Variants in ZNF385B observed in about 807,000 individuals in gnomAD.
The protein encoded by ZNF385B is zinc finger protein 533.
Under a neutral mutation model 39.2 loss-of-function variants are expected in ZNF385B, and 23 were observed. The ratio of observed to expected loss-of-function variants is 0.59; its 90% CI spans 0.42 to 0.83. The LOEUF (loss-of-function observed/expected upper bound fraction) is 0.83, where lower values mean the gene tolerates loss of function less well. Ranked by LOEUF, ZNF385B falls within the 40% of genes least tolerant of loss-of-function variation. The pLI is 0.00. For synonymous variants in ZNF385B, 205 were observed against 222.6 expected (o/e 0.92, Z 0.70); for missense variants, 552 against 598.9 (o/e 0.92, Z 0.82).
intron 1 of ZNF385B, among the ~76,000 whole-genome samples, chr2:179,778,557 A>C (rs886811998): frequency 6.6e-6 from 1 of 152,214 alleles, no homozygotes; most frequent in African/African-American, 2.4e-5. Context: ...AGTTCTTTGA[A>C]TTCTCATGTC....
intron 3 of ZNF385B, among the ~76,000 whole-genome samples, chr2:179,744,582 T>C (rs1702271330): frequency 6.6e-6 from 1 of 152,126 alleles, no homozygotes; most frequent in Admixed American, 6.5e-5. Context: ...GCTTTACGTG[T>C]ACTGGCAGTA....
chr2:179,522,313 T>C (rs1307446638), intron 4 of ZNF385B, among the ~76,000 whole-genome samples: 4 of 152,220 alleles, frequency 2.6e-5, no homozygotes, highest in Non-Finnish European at 5.9e-5. Context: ...AAAATAACTA[T>C]GATGTTAATT....
intron 3 of ZNF385B, among the ~76,000 whole-genome samples, chr2:179,593,115 C>T (rs747216939): frequency 2.8e-4 from 43 of 152,228 alleles, no homozygotes; most frequent in Non-Finnish European, 4.9e-4. Flanking sequence ...AAATGGATTA[C>T]TTGCTGTCAA....
At chr2:179,518,668 T>G in intron 4 of ZNF385B, 30 bp from the exon 5 acceptor site, 1 of 1,432,978 alleles carries the variant, frequency 7.0e-7, no homozygotes, top group Non-Finnish European at 9.5e-7. Context: ...ATAGTCAATT[T>G]GTAACTTCAA....
At chr2:179,553,250 T>A (rs1395165402) in intron 3 of ZNF385B, among the ~76,000 whole-genome samples, 1 of 149,018 alleles carries the variant, frequency 6.7e-6, no homozygotes, top group Non-Finnish European at 1.5e-5. Context: ...CTTAGTGTAG[T>A]ATCTGATACT....
chr2:179,512,139 G>C (rs1285337550), intron 5 of ZNF385B, among the ~76,000 whole-genome samples: 1 of 151,974 alleles, frequency 6.6e-6, no homozygotes, highest in Non-Finnish European at 1.5e-5. Flanking sequence ...TATAAAACTT[G>C]ACTAAAAAGA....
At chr2:179,684,852 G>A (rs1445908053) in intron 3 of ZNF385B, among the ~76,000 whole-genome samples, 2 of 152,130 alleles carry the variant, frequency 1.3e-5, no homozygotes, top group Non-Finnish European at 2.9e-5. Flanking sequence ...CTGAATGCAA[G>A]TTTACTTTCT....
At chr2:179,487,847 A>T (rs1457094947) in intron 5 of ZNF385B, among the ~76,000 whole-genome samples, 1 of 152,196 alleles carries the variant, frequency 6.6e-6, no homozygotes, top group Non-Finnish European at 1.5e-5. Flanking sequence ...ACCTTCACAT[A>T]AGAATTCATC....
At chr2:179,818,610 C>G (rs1359878121) in intron 1 of ZNF385B, among the ~76,000 whole-genome samples, 1 of 152,126 alleles carries the variant, frequency 6.6e-6, no homozygotes, top group African/African-American at 2.4e-5. Flanking sequence ...AGAAACGTTT[C>G]AGCTTTCAAA....
At chr2:179,815,223 G>A (rs147066356) in intron 1 of ZNF385B, among the ~76,000 whole-genome samples, 220 of 152,314 alleles carry the variant, frequency 1.4e-3, no homozygotes, top group African/African-American at 4.9e-3. Flanking sequence ...GAGACATCAA[G>A]AGAATAGGTA....
At chr2:179,625,364 C>T (rs1690566417) in intron 3 of ZNF385B, among the ~76,000 whole-genome samples, 1 of 151,710 alleles carries the variant, frequency 6.6e-6, no homozygotes, top group Non-Finnish European at 1.5e-5. Context: ...TATTTTTTTC[C>T]TCTAGCCTTA....
At chr2:179,531,905 A>T (rs1368276568) in intron 4 of ZNF385B, among the ~76,000 whole-genome samples, 1 of 152,228 alleles carries the variant, frequency 6.6e-6, no homozygotes, top group Admixed American at 6.5e-5. Flanking sequence ...GCCCTTTTGT[A>T]TAAATAGGTA....
At chr2:179,644,555 T>A (rs1018036464) in intron 3 of ZNF385B, among the ~76,000 whole-genome samples, 1 of 152,232 alleles carries the variant, frequency 6.6e-6, no homozygotes, top group Non-Finnish European at 1.5e-5. Context: ...TTAAGAGAGA[T>A]ATGTATTTCA....
At chr2:179,497,540 C>CA (rs555054066) in intron 5 of ZNF385B, among the ~76,000 whole-genome samples, 1,512 of 135,960 alleles carry the variant, frequency 0.011, 18 homozygotes, top group South Asian at 0.058. Context: ...AAACTCAAAC[C>CA]AAAAAAAAAA....
At chr2:179,516,032 T>C (rs2058064983) in intron 5 of ZNF385B, among the ~76,000 whole-genome samples, 1 of 152,216 alleles carries the variant, frequency 6.6e-6, no homozygotes, top group African/African-American at 2.4e-5. Context: ...ATATAGTCTT[T>C]GTGTCTTACT....
At chr2:179,712,503 C>T (rs1700069501) in intron 3 of ZNF385B, among the ~76,000 whole-genome samples, 1 of 152,168 alleles carries the variant, frequency 6.6e-6, no homozygotes, top group Admixed American at 6.5e-5. Context: ...CTCTCATCTT[C>T]TTCTTCAATA....
chr2:179,537,847 T>C (rs529785679), intron 4 of ZNF385B, among the ~76,000 whole-genome samples: 1 of 152,190 alleles, frequency 6.6e-6, no homozygotes, highest in African/African-American at 2.4e-5. Flanking sequence ...TCTTTGTTAG[T>C]TTTGTACCAC....
At chr2:179,510,784 G>A (rs1047669286) in intron 5 of ZNF385B, among the ~76,000 whole-genome samples, 1 of 152,094 alleles carries the variant, frequency 6.6e-6, no homozygotes, top group Non-Finnish European at 1.5e-5. Flanking sequence ...AGTTGGAGGA[G>A]AGAGAGAAGA....
intron 4 of ZNF385B, among the ~76,000 whole-genome samples, chr2:179,521,111 T>G (rs1574581046): frequency 6.6e-6 from 1 of 152,184 alleles, no homozygotes; most frequent in Non-Finnish European, 1.5e-5. Context: ...AATATTCCCA[T>G]TAAGTTTTAA....
Sources: gnomAD v4.1 joint callset for allele counts (sites outside exome capture counted in the v4.1 genomes callset) on GRCh38, gnomAD v4.1.1 for gene constraint, MANE v1.5 for transcripts, NCBI Gene and HGNC (gene_info 2026-07-23, HGNC 2026-07-21) for gene names.